Variants in ZGRF1 observed in about 807,000 individuals in gnomAD.
ZGRF1 encodes the protein 5'-3' DNA helicase ZGRF1.
Under a neutral mutation model 203.5 loss-of-function variants are expected in ZGRF1, and 196 were observed. The ratio of observed to expected loss-of-function variants is 0.96; its 90% CI spans 0.86 to 1.08. ZGRF1 has a LOEUF of 1.08. ZGRF1 is among the 50% of genes least tolerant of loss of function. The pLI is 0.00. For missense variants in ZGRF1, 2,326 were observed against 2,416.3 expected (o/e 0.96, Z 0.78); for synonymous variants, 809 against 841.3 (o/e 0.96, Z 0.66).
chr4:112,572,177 C>T (rs1323694102), intron 16 of ZGRF1, among the ~76,000 whole-genome samples: 5 of 152,160 alleles, frequency 3.3e-5, no homozygotes, highest in Non-Finnish European at 5.9e-5. Context: ...GCCACCAAAA[C>T]AGCATGGTAC....
At chr4:112,621,737 T>TC (rs2047067712) in intron 4 of ZGRF1, among the ~76,000 whole-genome samples, 3 of 151,318 alleles carry the variant, frequency 2.0e-5, no homozygotes, top group South Asian at 4.2e-4. Context: ...AATGATTTTT[T>TC]TTTCTTTGAG....
chr4:112,612,609 AATC>A, intron 6 of ZGRF1, 21 bp from the exon 7 acceptor site: 2 of 1,494,140 alleles, frequency 1.3e-6, no homozygotes, highest in Non-Finnish European at 1.9e-6. Context: ...GAAAAGAAAT[AATC>A]ATATCATTGT....
Position 112,617,495 on chromosome 4 carries a change from AT to A in ZGRF1, c.2546del (p.Asn849IlefsTer20). On this transcript the variant is annotated frameshift_variant, in exon 6 of 28. Coordinates refer to ENST00000505019, the MANE Select transcript of ZGRF1 (RefSeq NM_018392.5). LOFTEE classifies it high-confidence loss of function. ...LDSLEILKKK[N>X]TVFQQGTQQT... ...GTTGAGTTCCTTGCTGAAAGACAGT[AT>A]TTTTCTTTTTCAATATTTCCAAGCT... 6.3e-7 allele frequency: 1 copy of A among 1,598,248 alleles called. No individual in the cohort carries two copies. Among genetic ancestry groups the A allele is most frequent in the Non-Finnish European group, 8.5e-7 (1 of 1,175,232 alleles).
chr4:112,619,921 A>T, intron 5 of ZGRF1, 81 bp downstream of exon 5: 1 of 1,196,420 alleles, frequency 8.4e-7, no homozygotes, highest in Non-Finnish European at 1.1e-6. Context: ...ATGACAGAGT[A>T]CAATAACTTC....
intron 2 of ZGRF1, among the ~76,000 whole-genome samples, 180 bp downstream of exon 2, chr4:112,632,976 G>T (rs1248544344): frequency 6.6e-6 from 1 of 152,222 alleles, no homozygotes; most frequent in Non-Finnish European, 1.5e-5. Flanking sequence ...CAATATTTGG[G>T]ATCCTAATGC....
chr4:112,618,037 C>A lies in ZGRF1; in HGVS notation c.2005G>T (p.Val669Phe), dbSNP rs947929780. ...KEDANKPIQE[V>F]RINYDFALPP... ...AAAGCAAAATCATAGTTAATTCTGACTTCTTGAATAGGTTTATTAGCATCT... is the reference window on the plus strand; with the variant it reads ...AAAGCAAAATCATAGTTAATTCTGAATTCTTGAATAGGTTTATTAGCATCT... Residue 669 changes from valine (V) to phenylalanine (F), a missense_variant, in exon 6 of 28, where the codon GTC becomes TTC. By Grantham distance (50) the Val-to-Phe change is conservative. Coordinates refer to ENST00000505019, the MANE Select transcript of ZGRF1 (RefSeq NM_018392.5). 1.9e-6 allele frequency: 3 copies of A among 1,613,006 alleles called. No individual in the cohort carries two copies. The highest frequency in any genetic ancestry group is 2.5e-6 in the Non-Finnish European group (3 of 1,179,730).
At chr4:112,588,088 C>T (rs141244426) in intron 11 of ZGRF1, among the ~76,000 whole-genome samples, 159 bp from the exon 12 acceptor site, 3 of 151,500 alleles carry the variant, frequency 2.0e-5, no homozygotes, top group African/African-American at 7.3e-5. Context: ...TGGTTTTAAC[C>T]TCAAAAAATA....
chr4:112,552,501 CATT>C (rs35445352), intron 22 of ZGRF1, among the ~76,000 whole-genome samples: 24,186 of 151,934 alleles, frequency 0.16, 2,195 homozygotes, highest in East Asian at 0.42. Flanking sequence ...TCTTATATAT[CATT>C]GTTACGTTGG....
chr4:112,611,851 T>C, intron 7 of ZGRF1, among the ~76,000 whole-genome samples: 1 of 152,188 alleles, frequency 6.6e-6, no homozygotes, highest in East Asian at 1.9e-4. Context: ...AAAGCAATTA[T>C]CATGAGAAAA....
intron 16 of ZGRF1, among the ~76,000 whole-genome samples, chr4:112,568,571 G>A (rs1049735094): frequency 4.0e-5 from 6 of 151,752 alleles, no homozygotes; most frequent in Admixed American, 6.6e-5. Flanking sequence ...AACTAGCCAG[G>A]CATAGTGGTG....
At chr4:112,579,971 C>T (rs566837488) in intron 16 of ZGRF1, among the ~76,000 whole-genome samples, 3 of 123,088 alleles carry the variant, frequency 2.4e-5, no homozygotes, top group African/African-American at 8.4e-5. Flanking sequence ...CTAAGTCGAT[C>T]CTAAGCCAAA....
At chr4:112,573,454 G>A (rs1482692732) in intron 16 of ZGRF1, among the ~76,000 whole-genome samples, 1 of 152,200 alleles carries the variant, frequency 6.6e-6, no homozygotes, top group East Asian at 1.9e-4. Context: ...TTGATACGGT[G>A]TATACTGATC....
chr4:112,546,882 T>C (rs1425387175), intron 24 of ZGRF1: 1 of 153,058 alleles, frequency 6.5e-6, no homozygotes, highest in African/African-American at 2.4e-5. Context: ...CTGTTCTCTA[T>C]AAATTACCCA....
At chr4:112,614,868 C>A (rs1290172749) in intron 6 of ZGRF1, among the ~76,000 whole-genome samples, 1 of 151,384 alleles carries the variant, frequency 6.6e-6, no homozygotes. Context: ...ATCTAGTGTT[C>A]CCAAGGGCAA....
At chr4:112,562,985 TC>T in intron 17 of ZGRF1, 145 bp downstream of exon 17, 1 of 531,872 alleles carries the variant, frequency 1.9e-6, no homozygotes, top group Non-Finnish European at 3.3e-6. Context: ...ATCTATATAT[TC>T]AACTTCATAC....
Position 112,541,267 on chromosome 4 carries a change from C to A in ZGRF1, c.5600G>T (p.Gly1867Val). 2 of 1,501,360 alleles carry A rather than the reference C, an allele frequency of 1.3e-6. No individual in the cohort carries two copies. The highest frequency in any genetic ancestry group is 1.4e-5 in the African/African-American group (1 of 71,936). The allele number at this position is 1,501,360 out of a possible 1,614,324, so 93.0% of individuals were successfully genotyped here. A position where few individuals can be genotyped will look rare whatever the true frequency, so the allele number is the denominator to read the frequency against. ...AGTTCTCAATAGAATTGGCTTGTGA[C>A]CCTAAGAAATTTAAATGAAGAAAAA... ...QTLFDRLCLM[G>V]HKPILLRTQY... Residue 1867 changes from glycine (G) to valine (V), a missense_variant and splice_region_variant, in exon 25 of 28, where the codon GGT becomes GTT. By Grantham distance (109) the Gly-to-Val change is moderately radical. Coordinates refer to ENST00000505019, the MANE Select transcript of ZGRF1 (RefSeq NM_018392.5).
intron 3 of ZGRF1, among the ~76,000 whole-genome samples, chr4:112,630,747 CG>C (rs1165488523): frequency 6.6e-6 from 1 of 151,856 alleles, no homozygotes; most frequent in Non-Finnish European, 1.5e-5. Context: ...AAAAATTAGC[CG>C]GGCGTGGTGG....
chr4:112,623,127 T>C (rs141609205), intron 4 of ZGRF1, among the ~76,000 whole-genome samples: 1 of 152,346 alleles, frequency 6.6e-6, no homozygotes, highest in Non-Finnish European at 1.5e-5. Flanking sequence ...TGTCCCTGCA[T>C]TAGTTTGCTA....
rs75912695 is a variant in ZGRF1 at position 112,542,456 on chromosome 4, C to T, written c.5599-1188G>A. 2.9e-3 allele frequency among the ~76,000 whole-genome samples: 447 copies of T among 152,208 alleles called. 1 individual carries two copies. Among genetic ancestry groups the T allele is most frequent in the African/African-American group, 0.01 (423 of 41,522 alleles). Reference sequence around the variant, plus strand: ...AAAGGCAAGAGAGAAGTTATATTTACGGTATGGTTTCAACTATGTACAAAT... The same window carrying T: ...AAAGGCAAGAGAGAAGTTATATTTATGGTATGGTTTCAACTATGTACAAAT... On this transcript the variant is annotated intron_variant, in intron 24 of 27. Transcript: ENST00000505019.
Sources: allele counts gnomAD v4.1 joint callset (sites outside exome capture counted in the v4.1 genomes callset), GRCh38; gene constraint gnomAD v4.1.1; transcripts MANE v1.5; gene names NCBI Gene and HGNC (gene_info 2026-07-23, HGNC 2026-07-21).